R3HDM1: variants seen among roughly 807,000 people sequenced by gnomAD.
The protein encoded by R3HDM1 is R3H domain-containing protein 1.
R3HDM1 carries 46 observed loss-of-function variants against 141.1 expected under a neutral mutation model. The ratio of observed to expected loss-of-function variants is 0.33; its 90% CI spans 0.26 to 0.42. The LOEUF (loss-of-function observed/expected upper bound fraction) is 0.42, where lower values mean the gene tolerates loss of function less well. Among genes scored for constraint, R3HDM1 ranks in the 10% least tolerant of loss-of-function variants. R3HDM1 has a pLI of 1.00. For synonymous variants in R3HDM1, 435 were observed against 472.9 expected, an observed-to-expected ratio of 0.92 and a Z score of 1.04; for missense variants, 1,184 against 1,368.3, an observed-to-expected ratio of 0.87 and a Z score of 2.12.
intron 19 of R3HDM1, chr2:135,667,360 G>T (rs903238765): frequency 8.6e-6 from 4 of 463,532 alleles, no homozygotes; most frequent in Non-Finnish European, 1.1e-5. Flanking sequence ...TATTGCAACA[G>T]TGCAGTCCTT....
At position 135,555,631 on chromosome 2, in the gene R3HDM1, A is replaced by G. The variant is rs116140936; in HGVS notation, c.-250+23998A>G. 7.4e-3 allele frequency among the ~76,000 whole-genome samples: 1,126 copies of G among 152,324 alleles called. 21 individuals carry two copies. The highest frequency in any genetic ancestry group is 0.026 in the African/African-American group (1,070 of 41,578). On this transcript the variant is annotated intron_variant, in intron 1 of 26. Transcript: ENST00000683871. ...GTACACCAACGTTTATAGCAGCACTATTTATCGTAGTGAAAAAGTAGAAAC... is the reference window on the plus strand; with the variant it reads ...GTACACCAACGTTTATAGCAGCACTGTTTATCGTAGTGAAAAAGTAGAAAC...
intron 3 of R3HDM1, among the ~76,000 whole-genome samples, chr2:135,607,637 G>A (rs539561763): frequency 6.6e-6 from 1 of 152,286 alleles, no homozygotes; most frequent in East Asian, 1.9e-4. Context: ...CTTCATTTTA[G>A]CCTCTTTTCT....
Position 135,602,574 on chromosome 2 carries a change from A to G in R3HDM1, c.-175A>G. The G allele has an allele frequency of 1.3e-6, 2 of 1,532,792 alleles. No homozygotes were observed. The highest frequency in any genetic ancestry group is 1.8e-6 in the Non-Finnish European group (2 of 1,140,866). The allele number at this position is 1,532,792 out of a possible 1,614,324, so 94.9% of individuals were successfully genotyped here. On this transcript the variant is annotated 5_prime_UTR_variant, in exon 2 of 27. An upstream start codon of the reference 5' UTR is lost. Transcript: ENST00000683871. The stretch of plus-strand genomic sequence containing the variant: ...GGGAATCTACAGTGGTGACAAGGAC[A>G]TGGGACTCCTCCTGCCAGATTACAG...
chr2:135,607,735 C>A (rs895402744), intron 3 of R3HDM1: 1 of 515,614 alleles, frequency 1.9e-6, no homozygotes, highest in Non-Finnish European at 2.5e-6. Context: ...ATTGTGTTGC[C>A]CTTGGCAGTA....
chr2:135,557,494 T>G (rs1428069704), intron 1 of R3HDM1, among the ~76,000 whole-genome samples: 2 of 152,158 alleles, frequency 1.3e-5, no homozygotes, highest in Admixed American at 6.5e-5. Flanking sequence ...GGCAGCCAGG[T>G]TCAGGTCTCA....
chr2:135,537,897 C>T (rs1314454861), intron 1 of R3HDM1, among the ~76,000 whole-genome samples: 2 of 152,002 alleles, frequency 1.3e-5, no homozygotes, highest in Non-Finnish European at 2.9e-5. Flanking sequence ...TTGTTTTTTA[C>T]TGGGAACAAC....
chr2:135,532,385 G>T (rs954136422), intron 1 of R3HDM1, among the ~76,000 whole-genome samples: 1 of 152,150 alleles, frequency 6.6e-6, no homozygotes, highest in Non-Finnish European at 1.5e-5. Flanking sequence ...TTTTGTTGCT[G>T]TGACTAGGTG....
chr2:135,674,930 T>C (rs1255698889), intron 19 of R3HDM1, among the ~76,000 whole-genome samples: 1 of 151,540 alleles, frequency 6.6e-6, no homozygotes, highest in Non-Finnish European at 1.5e-5. Context: ...AAATTCTTAA[T>C]AGTTGTTGTT....
intron 2 of R3HDM1, 24 bp downstream of exon 2, chr2:135,602,732 A>G (rs2059717027): frequency 6.9e-7 from 1 of 1,449,794 alleles, no homozygotes; most frequent in Admixed American, 2.9e-5. Flanking sequence ...GTCATTCAGA[A>G]AAACATATTT....
rs1311020762 is a variant in R3HDM1, at chr2:135,627,623, A to ATAACTTATATTATGTAATAGGAAAACAAT, written c.498-4094_498-4066dup. Among the ~76,000 whole-genome samples the ATAACTTATATTATGTAATAGGAAAACAAT allele has an allele frequency of 1.5e-4, 23 of 152,230 alleles. No individual in the cohort carries two copies. In the East Asian group the frequency reaches 4.4e-3, roughly 29 times the overall value. ...ATATGGAGAAATATGGATGGTACAG[A>ATAACTTATATTATGTAATAGGAAAACAAT]TAACTTATATTATGTAATAGGAAAA... On this transcript the variant is annotated intron_variant, in intron 7 of 26. Coordinates refer to ENST00000683871, the MANE Select transcript of R3HDM1 (RefSeq NM_001378107.1).
In R3HDM1 at chr2:135,645,077, G is replaced by A. The variant is rs560158741; in HGVS notation, c.1475-302G>A. Among the ~76,000 whole-genome samples, 31 of 152,060 alleles carry A rather than the reference G, an allele frequency of 2.0e-4. 1 individual carries two copies. Among genetic ancestry groups the A allele is most frequent in the South Asian group, 4.1e-4 (2 of 4,824 alleles). ...AGCCTGAGCAACAGAGTGAGACTCC[G>A]TCTAAGAAAATAATAATTAATTAAT... On this transcript the variant is annotated intron_variant, in intron 15 of 26. Coordinates refer to ENST00000683871, the MANE Select transcript of R3HDM1 (RefSeq NM_001378107.1).
At chr2:135,688,431 G>T (rs1029903182) in intron 21 of R3HDM1, among the ~76,000 whole-genome samples, 1 of 152,082 alleles carries the variant, frequency 6.6e-6, no homozygotes, top group Non-Finnish European at 1.5e-5. Flanking sequence ...CAGCTGGATT[G>T]GTGGATTCAT....
intron 21 of R3HDM1, among the ~76,000 whole-genome samples, chr2:135,685,568 A>G (rs1052484649): frequency 2.0e-5 from 3 of 152,148 alleles, no homozygotes; most frequent in African/African-American, 7.2e-5. Flanking sequence ...TGTACTTGTA[A>G]CTGATGACTA....
At chr2:135,571,210 C>T (rs891753543) in intron 1 of R3HDM1, among the ~76,000 whole-genome samples, 2 of 151,544 alleles carry the variant, frequency 1.3e-5, no homozygotes, top group Admixed American at 6.6e-5. Flanking sequence ...AGGATGCCAT[C>T]AAGAAAGTGA....
At chr2:135,718,478 G>T (rs1223338231) in intron 24 of R3HDM1, among the ~76,000 whole-genome samples, 2 of 151,824 alleles carry the variant, frequency 1.3e-5, no homozygotes, top group African/African-American at 4.9e-5. Flanking sequence ...GTTGATGTTG[G>T]TTTGTTTGTT....
chr2:135,630,931 G>C lies in R3HDM1; in HGVS notation c.498-787G>C, dbSNP rs1025187008. 8.5e-5 allele frequency among the ~76,000 whole-genome samples: 13 copies of C among 152,184 alleles called. No homozygotes were observed. In the East Asian group the frequency reaches 1.9e-3, roughly 23 times the overall value. On this transcript the variant is annotated intron_variant, in intron 7 of 26. Transcript: ENST00000683871. ...TACCATTAATTTGTTGCAGCTAAGA[G>C]AACTAAATAAGACCCTAGTGATCTA...
intron 3 of R3HDM1, chr2:135,607,735 C>T: frequency 1.9e-6 from 1 of 515,616 alleles, no homozygotes; most frequent in Non-Finnish European, 2.5e-6. Context: ...ATTGTGTTGC[C>T]CTTGGCAGTA....
intron 5 of R3HDM1, among the ~76,000 whole-genome samples, chr2:135,621,116 GT>G (rs1459154294): frequency 6.6e-6 from 1 of 151,924 alleles, no homozygotes; most frequent in Non-Finnish European, 1.5e-5. Context: ...CATTCGTATT[GT>G]CATGATTGAT....
intron 1 of R3HDM1, chr2:135,581,295 A>G: frequency 2.0e-6 from 2 of 985,410 alleles, no homozygotes; most frequent in Non-Finnish European, 2.4e-6. Context: ...GATCCACAGT[A>G]GGGGAACTCT....
Sources: allele counts gnomAD v4.1 joint callset (sites outside exome capture counted in the v4.1 genomes callset), GRCh38; gene constraint gnomAD v4.1.1; transcripts MANE v1.5; gene names NCBI Gene and HGNC (gene_info 2026-07-23, HGNC 2026-07-21).